CDH12: variants seen among roughly 807,000 people sequenced by gnomAD.
CDH12 encodes the protein cadherin-12.
CDH12 carries 41 observed loss-of-function variants against 74.1 expected under a neutral mutation model. The ratio of observed to expected loss-of-function variants is 0.55; its 90% CI spans 0.43 to 0.72. CDH12 has a LOEUF of 0.72. Among genes scored for constraint, CDH12 ranks in the 30% least tolerant of loss-of-function variants. The pLI, the probability that CDH12 is intolerant of heterozygous loss-of-function variation, is 0.00. For missense variants in CDH12, 945 were observed against 977.2 expected (o/e 0.97, Z 0.44); for synonymous variants, 399 against 355.0 (o/e 1.12, Z -1.39).
At chr5:21,966,281 T>A (rs1042197613) in intron 6 of CDH12, among the ~76,000 whole-genome samples, 2 of 151,950 alleles carry the variant, frequency 1.3e-5, no homozygotes, top group Middle Eastern at 3.4e-3. Context: ...CAATCCACTA[T>A]GTAATGGGTC....
rs141516027 is a variant in CDH12, at chr5:22,080,192, G to A, written c.-186-1330C>T. On this transcript the variant is annotated intron_variant, in intron 4 of 14. Coordinates refer to ENST00000382254, the MANE Select transcript of CDH12 (RefSeq NM_004061.5). ...CAAATCAATGCATGTTTAATTAAAT[G>A]TCTATAAAACATGGTGTTTTTGTCA... Among the ~76,000 whole-genome samples, 493 of 152,094 alleles carry A rather than the reference G, an allele frequency of 3.2e-3. 3 individuals carry two copies. The highest frequency in any genetic ancestry group is 0.011 in the African/African-American group (472 of 41,540).
At chr5:22,718,506 C>T (rs2126985624) in intron 1 of CDH12, among the ~76,000 whole-genome samples, 1 of 152,268 alleles carries the variant, frequency 6.6e-6, no homozygotes, top group East Asian at 1.9e-4. Context: ...GAAATATTAT[C>T]AACTTCTTAA....
At chr5:21,771,160 C>A (rs112597992) in intron 11 of CDH12, among the ~76,000 whole-genome samples, 1,584 of 151,748 alleles carry the variant, frequency 0.01, 25 homozygotes, top group African/African-American at 0.036. Flanking sequence ...ACATACATAA[C>A]AAATCTGCAC....
intron 3 of CDH12, among the ~76,000 whole-genome samples, chr5:22,359,568 C>T (rs1258221742): frequency 1.3e-5 from 2 of 152,166 alleles, no homozygotes; most frequent in South Asian, 2.1e-4. Context: ...CTCGGCTCTG[C>T]ACCAAGTGGA....
At chr5:22,497,638 CTTT>C (rs747466944) in intron 2 of CDH12, among the ~76,000 whole-genome samples, 1 of 83,246 alleles carries the variant, frequency 1.2e-5, no homozygotes, top group South Asian at 5.5e-4. Context: ...TGTCGAATCT[CTTT>C]TTTTTTTTTT....
intron 1 of CDH12, among the ~76,000 whole-genome samples, chr5:22,586,294 C>T (rs1740397103): frequency 6.6e-6 from 1 of 151,842 alleles, no homozygotes; most frequent in Non-Finnish European, 1.5e-5. Flanking sequence ...ACAATGAGAA[C>T]ACTTGGACAC....
chr5:22,029,968 A>T (rs1237873071), intron 5 of CDH12, among the ~76,000 whole-genome samples: 4 of 152,014 alleles, frequency 2.6e-5, no homozygotes, highest in Admixed American at 2.6e-4. Context: ...TTGTAGGGAC[A>T]TGGATGAAAT....
intron 3 of CDH12, among the ~76,000 whole-genome samples, chr5:22,326,803 G>T (rs545296037): frequency 1.3e-5 from 2 of 152,110 alleles, no homozygotes; most frequent in African/African-American, 4.8e-5. Context: ...TATGAATGTG[G>T]CAAGGTTTAA....
At chr5:22,707,299 T>C (rs1032565494) in intron 1 of CDH12, among the ~76,000 whole-genome samples, 1 of 152,206 alleles carries the variant, frequency 6.6e-6, no homozygotes, top group East Asian at 1.9e-4. Flanking sequence ...TCCGTCTTTG[T>C]AAATTTTTCT....
intron 5 of CDH12, among the ~76,000 whole-genome samples, chr5:22,038,691 A>G (rs571996957): frequency 6.6e-6 from 1 of 152,320 alleles, no homozygotes; most frequent in East Asian, 1.9e-4. Flanking sequence ...GGCCTTGGCC[A>G]TCCAGAGCAG....
Position 22,548,114 on chromosome 5 carries a change from G to T in CDH12, c.-522-42750C>A, listed in dbSNP as rs562046452. On this transcript the variant is annotated intron_variant, in intron 1 of 14. Transcript: ENST00000382254. Reference sequence around the variant, plus strand: ...CACACTAAAAACATCTACTTTACAGGTTCATTTGTTATTTGCCTTTTAACC... The same window carrying T: ...CACACTAAAAACATCTACTTTACAGTTTCATTTGTTATTTGCCTTTTAACC... Among the ~76,000 whole-genome samples, 6 of 152,078 alleles carry T rather than the reference G, an allele frequency of 3.9e-5. No individual in the cohort carries two copies. The South Asian group carries it at 1.0e-3, about 26-fold the overall frequency.
intron 4 of CDH12, among the ~76,000 whole-genome samples, chr5:22,163,703 A>T (rs192109447): frequency 6.1e-4 from 93 of 152,276 alleles, no homozygotes; most frequent in Middle Eastern, 6.8e-3. Flanking sequence ...CCAGGATCAC[A>T]CTGTCAATGA....
chr5:22,104,573 G>A (rs1744322160), intron 4 of CDH12, among the ~76,000 whole-genome samples: 1 of 152,198 alleles, frequency 6.6e-6, no homozygotes, highest in African/African-American at 2.4e-5. Context: ...ATTTACAATA[G>A]GATATCTACC....
chr5:22,404,311 T>C (rs113746056), intron 3 of CDH12, among the ~76,000 whole-genome samples: 45 of 152,198 alleles, frequency 3.0e-4, no homozygotes, highest in African/African-American at 9.4e-4. Context: ...GAATAAAAAT[T>C]CCTGATTTTC....
At chr5:22,571,483 C>T (rs1319319469) in intron 1 of CDH12, among the ~76,000 whole-genome samples, 4 of 152,108 alleles carry the variant, frequency 2.6e-5, no homozygotes, top group Non-Finnish European at 4.4e-5. Flanking sequence ...TGCGCCACAA[C>T]GCCAGACTAA....
At chr5:21,797,155 G>T (rs575701842) in intron 10 of CDH12, among the ~76,000 whole-genome samples, 46 of 151,920 alleles carry the variant, frequency 3.0e-4, no homozygotes, top group Non-Finnish European at 6.5e-4. Flanking sequence ...CCTTGGTTGT[G>T]GCATTGATGT....
At chr5:21,790,277 G>A (rs182725472) in intron 10 of CDH12, among the ~76,000 whole-genome samples, 5 of 152,090 alleles carry the variant, frequency 3.3e-5, no homozygotes, top group Admixed American at 6.6e-5. Flanking sequence ...TTTTGATAAC[G>A]AGTTTAAAAT....
chr5:22,474,644 G>A (rs1288022380), intron 2 of CDH12, among the ~76,000 whole-genome samples: 1 of 152,130 alleles, frequency 6.6e-6, no homozygotes, highest in Admixed American at 6.6e-5. Flanking sequence ...CACATGACCA[G>A]AGAGACAGAT....
chr5:22,679,888 T>G (rs1741402586), intron 1 of CDH12, among the ~76,000 whole-genome samples: 1 of 152,094 alleles, frequency 6.6e-6, no homozygotes, highest in Non-Finnish European at 1.5e-5. Flanking sequence ...TAAAGTAAAA[T>G]CTTTTTCTGC....
Sources: gnomAD v4.1 joint callset for allele counts (sites outside exome capture counted in the v4.1 genomes callset) on GRCh38, gnomAD v4.1.1 for gene constraint, MANE v1.5 for transcripts, NCBI Gene and HGNC (gene_info 2026-07-23, HGNC 2026-07-21) for gene names.